TNR: variants seen among roughly 807,000 people sequenced by gnomAD.
TNR encodes tenascin R, also known as tenascin-R.
Under a neutral mutation model 150.4 loss-of-function variants are expected in TNR, and 45 were observed. The observed-to-expected ratio is 0.30, with a 90% confidence interval of 0.24 to 0.38. TNR has a LOEUF of 0.38. Among genes scored for constraint, TNR ranks in the 10% least tolerant of loss-of-function variants. The pLI is 1.00. For missense variants in TNR, 1,544 were observed against 1,759.1 expected (o/e 0.88, Z 2.19); for synonymous variants, 687 against 678.4 (o/e 1.01, Z -0.20).
rs1273486406 is a variant in TNR, at chr1:175,331,073, CT to C, written c.3632-839del. Among the ~76,000 whole-genome samples the C allele has an allele frequency of 1.5e-4, 19 of 123,496 alleles. 1 individual carries two copies. Among genetic ancestry groups the C allele is most frequent in the African/African-American group, 5.2e-4 (16 of 30,922 alleles). 81.0% of individuals were successfully genotyped at this position (123,496 alleles called of 152,430 possible). On this transcript the variant is annotated intron_variant, in intron 20 of 22. Coordinates refer to ENST00000367674, the MANE Select transcript of TNR (RefSeq NM_003285.3). ...TCTTTCTTTCTTTCTTTCTTTCTTTCTTTCCTTCTTTCTTTCTTTCTTTCTT... is the reference window on the plus strand; with the variant it reads ...TCTTTCTTTCTTTCTTTCTTTCTTTCTTCCTTCTTTCTTTCTTTCTTTCTT...
intron 1 of TNR, among the ~76,000 whole-genome samples, chr1:175,725,073 A>T (rs1243225387): frequency 6.6e-6 from 1 of 152,198 alleles, no homozygotes; most frequent in Admixed American, 6.5e-5. Context: ...GAAGTGCTTG[A>T]AGGTTTTAAG....
At chr1:175,415,496 C>T (rs1469337465) in intron 2 of TNR, among the ~76,000 whole-genome samples, 4 of 152,230 alleles carry the variant, frequency 2.6e-5, no homozygotes, top group South Asian at 2.1e-4. Flanking sequence ...CCACTAGGCG[C>T]GGCTGCCCAA....
intron 1 of TNR, among the ~76,000 whole-genome samples, chr1:175,646,156 C>T (rs2101884903): frequency 6.6e-6 from 1 of 152,290 alleles, no homozygotes; most frequent in South Asian, 2.1e-4. Context: ...ACACTTTCTT[C>T]CTTATCCTTC....
At chr1:175,660,148 A>G (rs1427423950) in intron 1 of TNR, among the ~76,000 whole-genome samples, 1 of 152,156 alleles carries the variant, frequency 6.6e-6, no homozygotes, top group Non-Finnish European at 1.5e-5. Context: ...TTTAAAATGA[A>G]AGCATTGAAC....
intron 2 of TNR, among the ~76,000 whole-genome samples, chr1:175,496,022 T>C (rs1210139241): frequency 1.3e-5 from 2 of 152,208 alleles, no homozygotes; most frequent in Admixed American, 6.5e-5. Flanking sequence ...TGCTGGCTGA[T>C]GTTTAACATC....
Position 175,527,824 on chromosome 1 carries a change from T to C in TNR, c.-64+445A>G, listed in dbSNP as rs761661711. On this transcript the variant is annotated intron_variant, in intron 2 of 22. Coordinates refer to ENST00000367674, the MANE Select transcript of TNR (RefSeq NM_003285.3). ...GGTTTTTCCTCCAGCCATATAGTTA[T>C]GGATAGAGATAAAGAGATGGATATT... 4.0e-4 allele frequency among the ~76,000 whole-genome samples: 61 copies of C among 152,204 alleles called. 1 individual carries two copies. The highest frequency in any genetic ancestry group is 8.2e-4 in the Non-Finnish European group (56 of 68,038).
chr1:175,638,247 G>T (rs2101878936), intron 1 of TNR, among the ~76,000 whole-genome samples: 1 of 152,298 alleles, frequency 6.6e-6, no homozygotes, highest in South Asian at 2.1e-4. Context: ...CTCTGCTCTT[G>T]TTCAACTGGT....
rs73035412 is a variant in TNR at position 175,678,124 on chromosome 1, C to T, written c.-165+65102G>A. On this transcript the variant is annotated intron_variant, in intron 1 of 22. Coordinates refer to ENST00000367674, the MANE Select transcript of TNR (RefSeq NM_003285.3). Reference sequence around the variant, plus strand: ...ATAGCAATTCTTTTCATTATTTCCCCAGCCCCAGCCTGGTACACAAAATTT... The same window carrying T: ...ATAGCAATTCTTTTCATTATTTCCCTAGCCCCAGCCTGGTACACAAAATTT... Among the ~76,000 whole-genome samples the T allele has an allele frequency of 1.5e-3, 236 of 152,278 alleles. 1 individual carries two copies. Among genetic ancestry groups the T allele is most frequent in the African/African-American group, 4.9e-3 (204 of 41,550 alleles).
chr1:175,526,765 C>T (rs972529029), intron 2 of TNR, among the ~76,000 whole-genome samples: 1 of 152,226 alleles, frequency 6.6e-6, no homozygotes, highest in Non-Finnish European at 1.5e-5. Context: ...CCTGTGAGCA[C>T]CTGGGTTTGA....
intron 1 of TNR, among the ~76,000 whole-genome samples, chr1:175,734,816 C>T (rs969172489): frequency 6.6e-6 from 1 of 152,246 alleles, no homozygotes. Flanking sequence ...GTCCCTCCCA[C>T]CCCATGGCTG....
chr1:175,444,956 G>A (rs1571449152), intron 2 of TNR, among the ~76,000 whole-genome samples: 1 of 152,176 alleles, frequency 6.6e-6, no homozygotes, highest in African/African-American at 2.4e-5. Flanking sequence ...GATTAGCATG[G>A]CAGAGTTAGT....
chr1:175,424,369 C>T (rs1349146703), intron 2 of TNR, among the ~76,000 whole-genome samples: 2 of 152,216 alleles, frequency 1.3e-5, no homozygotes, highest in Non-Finnish European at 2.9e-5. Flanking sequence ...AAGGGAAAAG[C>T]TTCTGTATTT....
intron 1 of TNR, among the ~76,000 whole-genome samples, chr1:175,681,967 A>G (rs1666048671): frequency 6.6e-6 from 1 of 152,130 alleles, no homozygotes; most frequent in African/African-American, 2.4e-5. Context: ...CGACTCATGC[A>G]GGAGACACAG....
chr1:175,336,923 C>A (rs1266912087), intron 19 of TNR, among the ~76,000 whole-genome samples: 1 of 152,328 alleles, frequency 6.6e-6, no homozygotes, highest in African/African-American at 2.4e-5. Flanking sequence ...GAGTCTTACT[C>A]ACTCTGTCAC....
intron 22 of TNR, among the ~76,000 whole-genome samples, chr1:175,323,745 G>A (rs973163841): frequency 6.6e-6 from 1 of 152,222 alleles, no homozygotes; most frequent in Non-Finnish European, 1.5e-5. Context: ...GCTTCCAGGA[G>A]TGGCATGCAC....
At chr1:175,455,426 G>A (rs859453) in intron 2 of TNR, among the ~76,000 whole-genome samples, 104,073 of 152,146 alleles carry the variant, frequency 0.68, 36,855 homozygotes, top group African/African-American at 0.87. Flanking sequence ...CTTCTTATAG[G>A]GCCCCAATAA....
chr1:175,535,586 A>G (rs1660246229), intron 1 of TNR, among the ~76,000 whole-genome samples: 4 of 150,476 alleles, frequency 2.7e-5, no homozygotes, highest in Admixed American at 2.0e-4. Context: ...TCAGCCTCCC[A>G]AGTAGCTGGG....
At chr1:175,416,987 T>G (rs200373759) in intron 2 of TNR, among the ~76,000 whole-genome samples, 85 of 76,660 alleles carry the variant, frequency 1.1e-3, no homozygotes, top group East Asian at 2.5e-3. Context: ...CAGCCTGGGC[T>G]ACAGAGCGAG....
intron 2 of TNR, among the ~76,000 whole-genome samples, chr1:175,505,055 T>A (rs1658898224): frequency 6.6e-6 from 1 of 151,932 alleles, no homozygotes; most frequent in Non-Finnish European, 1.5e-5. Flanking sequence ...GATTCCCGCC[T>A]GCTGTGCAAG....
Sources: gnomAD v4.1 joint callset for allele counts (sites outside exome capture counted in the v4.1 genomes callset) on GRCh38, gnomAD v4.1.1 for gene constraint, MANE v1.5 for transcripts, NCBI Gene and HGNC (gene_info 2026-07-23, HGNC 2026-07-21) for gene names.